The following CLSTN2 variants were observed in gnomAD, a reference collection of about 807,000 sequenced individuals.
CLSTN2 encodes the protein calsyntenin-2.
Under a neutral mutation model 101.2 loss-of-function variants are expected in CLSTN2, and 48 were observed. The observed-to-expected ratio is 0.47, with a 90% CI of 0.38 to 0.60. The LOEUF (loss-of-function observed/expected upper bound fraction) is 0.60. Among genes scored for constraint, CLSTN2 ranks in the 20% least tolerant of loss-of-function variants. The probability of loss-of-function intolerance (pLI) is 0.00; values close to 1 mark genes in which losing one functional copy is unlikely to be tolerated. For synonymous variants in CLSTN2, 481 were observed against 463.6 expected, an observed-to-expected ratio of 1.04 and a Z score of -0.48; for missense variants, 1,160 against 1,238.2, an observed-to-expected ratio of 0.94 and a Z score of 0.95.
At chr3:140,478,933 A>C (rs1934055340) in intron 8 of CLSTN2, among the ~76,000 whole-genome samples, 1 of 152,016 alleles carries the variant, frequency 6.6e-6, no homozygotes, top group Admixed American at 6.6e-5. Context: ...TCTGAGCCTA[A>C]GGTGTTAGAG....
intron 1 of CLSTN2, among the ~76,000 whole-genome samples, chr3:140,141,829 G>T (rs1478355189): frequency 6.6e-6 from 1 of 152,198 alleles, no homozygotes; most frequent in African/African-American, 2.4e-5. Flanking sequence ...CAGCGTTTAT[G>T]CTCCACCAAG....
intron 6 of CLSTN2, among the ~76,000 whole-genome samples, chr3:140,449,168 G>A (rs1354988213): frequency 6.6e-6 from 1 of 152,186 alleles, no homozygotes; most frequent in Non-Finnish European, 1.5e-5. Context: ...GGGGCCCAGT[G>A]CAAATGAAAA....
chr3:140,144,313 A>G (rs1172503284), intron 1 of CLSTN2, among the ~76,000 whole-genome samples: 1 of 152,208 alleles, frequency 6.6e-6, no homozygotes, highest in East Asian at 1.9e-4. Flanking sequence ...TTACATTAAA[A>G]GTACTTAAAA....
intron 1 of CLSTN2, among the ~76,000 whole-genome samples, chr3:140,172,998 C>T (rs1355293905): frequency 6.6e-6 from 1 of 152,186 alleles, no homozygotes; most frequent in African/African-American, 2.4e-5. Context: ...CATGTCCTCA[C>T]ATTTCAAAAA....
chr3:140,202,249 G>A (rs1052047120), intron 2 of CLSTN2, among the ~76,000 whole-genome samples: 1 of 152,218 alleles, frequency 6.6e-6, no homozygotes, highest in African/African-American at 2.4e-5. Flanking sequence ...CTCAAGAGCA[G>A]TGTCAGGGAG....
rs554305314 is a variant in CLSTN2, at chr3:140,543,791, G to C, written c.1508-2724G>C. 2.6e-5 allele frequency among the ~76,000 whole-genome samples: 4 copies of C among 152,322 alleles called. No homozygotes were observed. In the East Asian group the frequency reaches 5.8e-4, roughly 22 times the overall value. On this transcript the variant is annotated intron_variant, in intron 9 of 16. Transcript: ENST00000458420. The stretch of plus-strand genomic sequence containing the variant: ...AAAAATGGAAGCTTTTTATACAGAG[G>C]TTGACAATCAACTTATTTCATGATA...
intron 1 of CLSTN2, among the ~76,000 whole-genome samples, chr3:140,048,757 G>A (rs948015345): frequency 7.9e-5 from 12 of 152,092 alleles, no homozygotes; most frequent in Non-Finnish European, 1.0e-4. Flanking sequence ...GCTGGAGAAC[G>A]ACCCTGTAAA....
chr3:140,464,419 A>G (rs1487584613), intron 7 of CLSTN2, among the ~76,000 whole-genome samples: 2 of 152,366 alleles, frequency 1.3e-5, no homozygotes, highest in South Asian at 2.1e-4. Flanking sequence ...TGAGACGTGG[A>G]CAGAGAGAAG....
At chr3:139,950,963 T>C (rs1441578763) in intron 1 of CLSTN2, among the ~76,000 whole-genome samples, 1 of 152,214 alleles carries the variant, frequency 6.6e-6, no homozygotes, top group East Asian at 1.9e-4. Context: ...CGATGTGACT[T>C]TTTTAAATGC....
At chr3:139,997,633 C>A (rs2006705063) in intron 1 of CLSTN2, among the ~76,000 whole-genome samples, 1 of 152,134 alleles carries the variant, frequency 6.6e-6, no homozygotes, top group South Asian at 2.1e-4. Context: ...TGTACTTAGT[C>A]TTTGTATCTG....
chr3:140,003,754 C>G (rs2006896217), intron 1 of CLSTN2, among the ~76,000 whole-genome samples: 1 of 152,062 alleles, frequency 6.6e-6, no homozygotes, highest in Admixed American at 6.6e-5. Context: ...TGAATTTTAT[C>G]AAATACTTTT....
intron 1 of CLSTN2, among the ~76,000 whole-genome samples, chr3:140,153,660 C>T (rs2009904639): frequency 6.6e-6 from 1 of 152,238 alleles, no homozygotes; most frequent in African/African-American, 2.4e-5. Flanking sequence ...AGCTTCATCC[C>T]TTTTGAGGGT....
At chr3:140,114,293 C>A (rs2009203593) in intron 1 of CLSTN2, among the ~76,000 whole-genome samples, 1 of 152,152 alleles carries the variant, frequency 6.6e-6, no homozygotes, top group Non-Finnish European at 1.5e-5. Flanking sequence ...TATGTTGTTT[C>A]TTTGCCAAGA....
intron 1 of CLSTN2, among the ~76,000 whole-genome samples, chr3:139,967,574 T>C (rs192244234): frequency 3.9e-5 from 6 of 152,350 alleles, no homozygotes; most frequent in Admixed American, 2.6e-4. Context: ...AAACGTCACA[T>C]ACATCTCTGG....
In CLSTN2 at chr3:140,005,435, G is replaced by A. The variant is rs539163372; in HGVS notation, c.109+69952G>A. 2.0e-5 allele frequency among the ~76,000 whole-genome samples: 3 copies of A among 152,160 alleles called. No individual in the cohort carries two copies. The South Asian group carries it at 6.2e-4, about 32-fold the overall frequency. On this transcript the variant is annotated intron_variant, in intron 1 of 16. Coordinates refer to ENST00000458420, the MANE Select transcript of CLSTN2 (RefSeq NM_022131.3). ...CAGCCTCTTGTTAAATTTCCTTAGA[G>A]TACCAATGTAGTCCCATCAGGGCCC...
At chr3:140,403,207 T>C (rs2088263040) in intron 2 of CLSTN2, among the ~76,000 whole-genome samples, 1 of 152,150 alleles carries the variant, frequency 6.6e-6, no homozygotes, top group South Asian at 2.1e-4. Flanking sequence ...GGAACTCACA[T>C]AGACTCACGC....
chr3:140,199,398 T>TA (rs978716044), intron 2 of CLSTN2, among the ~76,000 whole-genome samples: 1 of 152,018 alleles, frequency 6.6e-6, no homozygotes, highest in Admixed American at 6.6e-5. Flanking sequence ...CTTCACCCCT[T>TA]AAAAAAAATT....
At chr3:140,319,685 T>C (rs1020987225) in intron 2 of CLSTN2, among the ~76,000 whole-genome samples, 1 of 152,204 alleles carries the variant, frequency 6.6e-6, no homozygotes, top group African/African-American at 2.4e-5. Context: ...TTGTCAGGAA[T>C]AGAGAGATGA....
chr3:140,495,098 G>A (rs142567302), intron 8 of CLSTN2, among the ~76,000 whole-genome samples: 91 of 152,176 alleles, frequency 6.0e-4, no homozygotes, highest in African/African-American at 1.3e-3. Flanking sequence ...AAAGTGCTTC[G>A]TTTTCTCTGT....
Sources: allele counts gnomAD v4.1 joint callset (sites outside exome capture counted in the v4.1 genomes callset), GRCh38; gene constraint gnomAD v4.1.1; transcripts MANE v1.5; gene names NCBI Gene and HGNC (gene_info 2026-07-23, HGNC 2026-07-21).